The following PPP1R21 variants were observed in gnomAD, a reference collection of about 807,000 sequenced individuals.
PPP1R21 encodes the protein protein phosphatase 1 regulatory subunit 21, also known as KLRAQ motif containing 1.
In PPP1R21, 85 loss-of-function variants were observed where a neutral mutation model predicts 112.8. The observed-to-expected ratio is 0.75, with a 90% CI of 0.63 to 0.90. The LOEUF is 0.90. PPP1R21 is among the 40% of genes least tolerant of loss of function. The probability of loss-of-function intolerance (pLI) is 0.00; values close to 1 mark genes in which losing one functional copy is unlikely to be tolerated. For missense variants in PPP1R21, 1,199 were observed against 901.5 expected (o/e 1.33, Z -4.23); for synonymous variants, 381 against 322.3 (o/e 1.18, Z -1.95).
chr2:48,468,829 ATGTGTGTG>A (rs113373775), intron 9 of PPP1R21, among the ~76,000 whole-genome samples: 37 of 146,542 alleles, frequency 2.5e-4, no homozygotes, highest in African/African-American at 4.3e-4. Flanking sequence ...AAAAAAATGT[ATGTGTGTG>A]TGTGTGTGTG....
At chr2:48,467,315 A>T (rs1412728202) in intron 9 of PPP1R21, among the ~76,000 whole-genome samples, 2 of 152,248 alleles carry the variant, frequency 1.3e-5, no homozygotes, top group Non-Finnish European at 2.9e-5. Context: ...AAGGTAGCTT[A>T]CAAAATTTCA....
intron 13 of PPP1R21, among the ~76,000 whole-genome samples, chr2:48,481,272 A>T (rs1178457804): frequency 6.6e-6 from 1 of 152,242 alleles, no homozygotes; most frequent in Non-Finnish European, 1.5e-5. Flanking sequence ...TACAGGCGTG[A>T]GCCACTGGGC....
intron 16 of PPP1R21, 85 bp from the exon 17 acceptor site, chr2:48,498,408 G>C (rs1558510528): frequency 2.9e-6 from 4 of 1,393,310 alleles, no homozygotes; most frequent in Non-Finnish European, 3.0e-6. Context: ...GGGTAGTTTT[G>C]GTTTACATTC....
chr2:48,441,251 T>C, intron 1 of PPP1R21: 1 of 572,382 alleles, frequency 1.7e-6, no homozygotes, highest in South Asian at 2.1e-5. Flanking sequence ...TGATTCTTCC[T>C]TTTCACTGAA....
intron 12 of PPP1R21, chr2:48,479,610 A>G (rs753538600): frequency 3.6e-6 from 2 of 549,940 alleles, no homozygotes; most frequent in African/African-American, 1.9e-5. Flanking sequence ...TGAAAAATGC[A>G]TTATATAATA....
At chr2:48,506,123 C>G (rs2103661433) in intron 18 of PPP1R21, among the ~76,000 whole-genome samples, 1 of 152,324 alleles carries the variant, frequency 6.6e-6, no homozygotes, top group South Asian at 2.1e-4. Context: ...GAGACAGAGT[C>G]TCATTATATT....
Position 48,488,033 on chromosome 2 carries a change from A to G in PPP1R21, c.1446+1275A>G, listed in dbSNP as rs563958394. Among the ~76,000 whole-genome samples the G allele has an allele frequency of 3.4e-4, 52 of 152,302 alleles. 1 individual carries two copies. The highest frequency in any genetic ancestry group is 1.3e-3 in the African/African-American group (52 of 41,566). On this transcript the variant is annotated intron_variant, in intron 14 of 21. Coordinates refer to ENST00000294952, the MANE Select transcript of PPP1R21 (RefSeq NM_001135629.3). ...CTGCTTCTGACAGGTTAACCATAAT[A>G]GGAACAAATATTCTTCAAGTGATTT...
chr2:48,513,169 A>G (rs1670715508), intron 21 of PPP1R21, among the ~76,000 whole-genome samples: 2 of 151,912 alleles, frequency 1.3e-5, no homozygotes, highest in Non-Finnish European at 1.5e-5. Flanking sequence ...ATTGGATTGC[A>G]GCTACTTCAG....
intron 2 of PPP1R21, 28 bp from the exon 3 acceptor site, chr2:48,454,567 G>A: frequency 6.2e-7 from 1 of 1,613,554 alleles, no homozygotes; most frequent in Non-Finnish European, 8.5e-7. Flanking sequence ...TAAACTGTGA[G>A]GACCAATCTG....
chr2:48,486,536 A>G (rs949748200), intron 13 of PPP1R21, 95 bp from the exon 14 acceptor site: 1 of 951,574 alleles, frequency 1.1e-6, no homozygotes, highest in Non-Finnish European at 1.6e-6. Flanking sequence ...TACTTTATAA[A>G]TTTAGAAGAA....
intron 1 of PPP1R21, chr2:48,441,304 G>A (rs967767742): frequency 8.1e-6 from 4 of 490,806 alleles, no homozygotes; most frequent in Non-Finnish European, 7.5e-6. Flanking sequence ...CTGGCTTCTT[G>A]CCTCTAATGC....
chr2:48,459,683 C>A, intron 4 of PPP1R21, 71 bp from the exon 5 acceptor site: 1 of 1,514,074 alleles, frequency 6.6e-7, no homozygotes, highest in Non-Finnish European at 8.9e-7. Context: ...AGTGAATAGT[C>A]ACTGCTGTTA....
chr2:48,498,157 T>C lies in PPP1R21; in HGVS notation c.1693-336T>C, dbSNP rs898736964. Reference sequence around the variant, plus strand: ...CTTCTCTGTTGAGTTGTCTATCTTATTGGTTTGCAAAAATTCCTTGTATGT... The same window carrying C: ...CTTCTCTGTTGAGTTGTCTATCTTACTGGTTTGCAAAAATTCCTTGTATGT... On this transcript the variant is annotated intron_variant, in intron 16 of 21. Coordinates refer to ENST00000294952, the MANE Select transcript of PPP1R21 (RefSeq NM_001135629.3). Among the ~76,000 whole-genome samples the C allele has an allele frequency of 1.2e-4, 19 of 152,144 alleles. No individual in the cohort carries two copies. The South Asian group carries it at 1.9e-3, about 15-fold the overall frequency.
At position 48,474,325 on chromosome 2, in the gene PPP1R21, G is replaced by GT. The variant is rs1200214176; in HGVS notation, c.1089-357dup. ...TTGAACCTGGGATGCGGAGGTTACA[G>GT]TGAGCCGAGATTGCGCCACTGTACT... On this transcript the variant is annotated intron_variant, in intron 11 of 21. Coordinates refer to ENST00000294952, the MANE Select transcript of PPP1R21 (RefSeq NM_001135629.3). Among the ~76,000 whole-genome samples, 5 of 152,308 alleles carry GT rather than the reference G, an allele frequency of 3.3e-5. No homozygotes were observed. In the East Asian group the frequency reaches 9.7e-4, roughly 29 times the overall value.
At position 48,451,184 on chromosome 2, in the gene PPP1R21, A is replaced by AC. The variant is rs550269024; in HGVS notation, c.126+109dup. 348 of 837,248 alleles carry AC rather than the reference A, an allele frequency of 4.2e-4. 4 individuals carry two copies. Among genetic ancestry groups the AC allele is most frequent in the South Asian group, 3.2e-3 (231 of 72,710 alleles). 51.9% of individuals were successfully genotyped at this position (837,248 alleles called of 1,614,324 possible). A position where few individuals can be genotyped will look rare whatever the true frequency, so the allele number is the denominator to read the frequency against. ...AAAGTTCCAACTCTGACACTGATTC[A>AC]CTAGGGATAGGGGACAGTAATACAG... On this transcript the variant is annotated intron_variant, in intron 2 of 21. Transcript: ENST00000294952.
In PPP1R21 at chr2:48,459,753, G is replaced by GT; in HGVS notation, c.381dup (p.Glu128Ter). On this transcript the variant is annotated frameshift_variant and splice_region_variant. Coordinates refer to ENST00000294952, the MANE Select transcript of PPP1R21 (RefSeq NM_001135629.3). LOFTEE classifies it high-confidence loss of function. The stretch of plus-strand genomic sequence containing the variant: ...AAGAGAAAATGGTCTTCTCTTTTTA[G>GT]TTTTTTGAAGCTGATGAGCAGCACA... The GT allele has an allele frequency of 6.2e-7, 1 of 1,607,396 alleles. No homozygotes were observed. Among genetic ancestry groups the GT allele is most frequent in the Non-Finnish European group, 8.5e-7 (1 of 1,178,218 alleles).
At chr2:48,512,299 T>C (rs1670677427) in intron 21 of PPP1R21, among the ~76,000 whole-genome samples, 1 of 152,172 alleles carries the variant, frequency 6.6e-6, no homozygotes, top group African/African-American at 2.4e-5. Flanking sequence ...TTTATTACTG[T>C]AACAACGTAT....
intron 14 of PPP1R21, among the ~76,000 whole-genome samples, 187 bp downstream of exon 14, chr2:48,486,945 C>T (rs1420664452): frequency 6.6e-6 from 1 of 152,200 alleles, no homozygotes; most frequent in African/African-American, 2.4e-5. Context: ...AGAGAGGGAT[C>T]TCTCGCTATG....
chr2:48,459,845 C>T lies in PPP1R21; in HGVS notation c.467C>T (p.Ala156Val), dbSNP rs1179190618. 2 of 1,614,164 alleles carry T rather than the reference C, an allele frequency of 1.2e-6. No individual in the cohort carries two copies. The highest frequency in any genetic ancestry group is 1.7e-6 in the Non-Finnish European group (2 of 1,180,038). The change falls in exon 5 of 22, where the codon GCT becomes GTT. Residue 156 changes from alanine (A) to valine (V), a missense_variant. Transcript: ENST00000294952. ...TLETEAAQHQ[A>V]VVDGLTRKYM... Reference sequence around the variant, plus strand: ...GAGACAGAAGCAGCCCAGCACCAAGCTGTGGTTGACGGTCTCACCCGGAAG... The same window carrying T: ...GAGACAGAAGCAGCCCAGCACCAAGTTGTGGTTGACGGTCTCACCCGGAAG...
Sources: allele counts gnomAD v4.1 joint callset (sites outside exome capture counted in the v4.1 genomes callset), GRCh38; gene constraint gnomAD v4.1.1; transcripts MANE v1.5; gene names NCBI Gene and HGNC (gene_info 2026-07-23, HGNC 2026-07-21).